The following MGAT5 variants were observed in gnomAD, a reference collection of about 807,000 sequenced individuals.
MGAT5 encodes alpha-1,6-mannosylglycoprotein 6-beta-N-acetylglucosaminyltransferase A.
Under a neutral mutation model 94.3 loss-of-function variants are expected in MGAT5, and 30 were observed. That is an observed-to-expected ratio of 0.32 (90% confidence interval 0.24 to 0.43). The LOEUF is 0.43. Ranked by LOEUF, MGAT5 falls within the 20% of genes least tolerant of loss-of-function variation. The probability of loss-of-function intolerance (pLI) is 1.00; values close to 1 mark genes in which losing one functional copy is unlikely to be tolerated. For synonymous variants in MGAT5, 310 were observed against 322.9 expected, an observed-to-expected ratio of 0.96 and a Z score of 0.43; for missense variants, 691 against 905.5, an observed-to-expected ratio of 0.76 and a Z score of 3.04.
At chr2:134,368,900 A>G (rs531718308) in intron 10 of MGAT5, among the ~76,000 whole-genome samples, 85 of 151,672 alleles carry the variant, frequency 5.6e-4, no homozygotes, top group African/African-American at 2.0e-3. Context: ...GCTCACCCCA[A>G]CTGGAGCCGC....
chr2:134,383,727 A>G (rs1054501266), intron 10 of MGAT5, among the ~76,000 whole-genome samples: 2 of 148,262 alleles, frequency 1.3e-5, no homozygotes, highest in South Asian at 2.1e-4. Flanking sequence ...TTTTTTTGAG[A>G]CAGTCTCACT....
At chr2:134,273,705 G>C (rs953160872) in intron 2 of MGAT5, among the ~76,000 whole-genome samples, 1 of 151,492 alleles carries the variant, frequency 6.6e-6, no homozygotes, top group Non-Finnish European at 1.5e-5. Flanking sequence ...ATCCAGTATG[G>C]CTTATCTTCA....
At chr2:134,366,326 T>G (rs1412986457) in intron 10 of MGAT5, among the ~76,000 whole-genome samples, 1 of 152,242 alleles carries the variant, frequency 6.6e-6, no homozygotes, top group African/African-American at 2.4e-5. Flanking sequence ...GTTAACTATA[T>G]TACTTTAATT....
chr2:134,415,415 T>A lies in MGAT5; in HGVS notation c.1677+2400T>A, dbSNP rs578173581. ...TATGTTTGTTTGCCTTGTGTATGTCTTCTTTCGAGAAATGTCTTCAGGTTA... is the reference window on the plus strand; with the variant it reads ...TATGTTTGTTTGCCTTGTGTATGTCATCTTTCGAGAAATGTCTTCAGGTTA... On this transcript the variant is annotated intron_variant, in intron 12 of 15. Coordinates refer to ENST00000281923, the MANE Select transcript of MGAT5 (RefSeq NM_002410.5). Among the ~76,000 whole-genome samples, 60 of 152,352 alleles carry A rather than the reference T, an allele frequency of 3.9e-4. No individual in the cohort carries two copies. The South Asian group carries it at 9.1e-3, about 23-fold the overall frequency.
At chr2:134,278,367 T>C (rs185895214) in intron 2 of MGAT5, among the ~76,000 whole-genome samples, 2 of 152,162 alleles carry the variant, frequency 1.3e-5, no homozygotes, top group African/African-American at 4.8e-5. Flanking sequence ...CAGACGGCTG[T>C]GCTGCTTTCC....
chr2:134,130,398 G>A (rs184787114), intron 1 of MGAT5, among the ~76,000 whole-genome samples: 94 of 152,376 alleles, frequency 6.2e-4, no homozygotes, highest in African/African-American at 2.0e-3. Flanking sequence ...GAATGCAGGC[G>A]CGGGGCGTGG....
Position 134,287,751 on chromosome 2 carries a change from C to T in MGAT5, c.406+17201C>T, listed in dbSNP as rs564693898. Among the ~76,000 whole-genome samples the T allele has an allele frequency of 1.3e-4, 20 of 152,260 alleles. No homozygotes were observed. In the South Asian group the frequency reaches 3.9e-3, roughly 30 times the overall value. On this transcript the variant is annotated intron_variant, in intron 2 of 15. Coordinates refer to ENST00000281923, the MANE Select transcript of MGAT5 (RefSeq NM_002410.5). ...CTATCCACTGTTGTGAATCTAGAGC[C>T]TTTTTTGTTCAATCTCTCTAGAGAG...
chr2:134,354,422 A>G (rs978902014), intron 9 of MGAT5, among the ~76,000 whole-genome samples: 1 of 152,180 alleles, frequency 6.6e-6, no homozygotes, highest in Non-Finnish European at 1.5e-5. Flanking sequence ...CAGTGGGAAG[A>G]TAAAGAAAAA....
At chr2:134,318,334 A>T (rs1658449214) in intron 3 of MGAT5, among the ~76,000 whole-genome samples, 1 of 148,918 alleles carries the variant, frequency 6.7e-6, no homozygotes, top group Non-Finnish European at 1.5e-5. Context: ...GAGTCCCATT[A>T]GGCACTTGAT....
intron 2 of MGAT5, among the ~76,000 whole-genome samples, chr2:134,300,677 C>T (rs1403897022): frequency 1.3e-5 from 2 of 152,120 alleles, no homozygotes; most frequent in Non-Finnish European, 2.9e-5. Flanking sequence ...CCCTTTAGCA[C>T]TGCCAGCCCA....
chr2:134,289,710 G>T (rs536782297), intron 2 of MGAT5, among the ~76,000 whole-genome samples: 1 of 152,184 alleles, frequency 6.6e-6, no homozygotes, highest in Non-Finnish European at 1.5e-5. Context: ...CCTTCTGGGA[G>T]TCTGGAATCT....
chr2:134,240,554 A>G (rs1046024205), intron 1 of MGAT5, among the ~76,000 whole-genome samples: 3 of 152,144 alleles, frequency 2.0e-5, no homozygotes, highest in Non-Finnish European at 4.4e-5. Context: ...TATATGTTAC[A>G]TTATAATAAA....
intron 6 of MGAT5, among the ~76,000 whole-genome samples, chr2:134,340,903 T>C (rs763956717): frequency 5.9e-5 from 9 of 152,128 alleles, no homozygotes; most frequent in Non-Finnish European, 1.0e-4. Context: ...CACAGGTGCA[T>C]TTAGAAAAAA....
chr2:134,359,891 C>T (rs527428974), intron 9 of MGAT5, among the ~76,000 whole-genome samples: 22 of 152,310 alleles, frequency 1.4e-4, no homozygotes, highest in South Asian at 6.2e-4. Flanking sequence ...AAGCAAGCCA[C>T]ACTGGGCCGG....
chr2:134,219,525 C>T (rs1264257248), intron 1 of MGAT5, among the ~76,000 whole-genome samples: 9 of 152,088 alleles, frequency 5.9e-5, no homozygotes, highest in South Asian at 2.1e-4. Flanking sequence ...ATGAGGAAGC[C>T]GGGATAGTAT....
chr2:134,356,431 G>A (rs1679745543), intron 9 of MGAT5, among the ~76,000 whole-genome samples: 1 of 152,176 alleles, frequency 6.6e-6, no homozygotes, highest in Non-Finnish European at 1.5e-5. Flanking sequence ...CAGTTTAGGA[G>A]TTAGATTGGA....
intron 8 of MGAT5, among the ~76,000 whole-genome samples, chr2:134,346,587 C>A (rs926262435): frequency 3.9e-5 from 6 of 151,936 alleles, no homozygotes; most frequent in African/African-American, 7.3e-5. Context: ...AAAATTTTCC[C>A]TTTTAAAAAT....
At chr2:134,304,538 G>A (rs142642885) in intron 2 of MGAT5, among the ~76,000 whole-genome samples, 45 of 152,256 alleles carry the variant, frequency 3.0e-4, no homozygotes, top group Admixed American at 4.6e-4. Context: ...AAATTCATTA[G>A]CCTTTTATGT....
intron 1 of MGAT5, among the ~76,000 whole-genome samples, chr2:134,185,103 A>G (rs1688940234): frequency 6.6e-6 from 1 of 152,154 alleles, no homozygotes; most frequent in Non-Finnish European, 1.5e-5. Flanking sequence ...ATGCAAAGGC[A>G]TAAGAATGAT....
Sources: allele counts gnomAD v4.1 joint callset (sites outside exome capture counted in the v4.1 genomes callset), GRCh38; gene constraint gnomAD v4.1.1; transcripts MANE v1.5; gene names NCBI Gene and HGNC (gene_info 2026-07-23, HGNC 2026-07-21).